Variants in CCDC170 observed in about 807,000 individuals in gnomAD.
The protein encoded by CCDC170 is coiled-coil domain containing 170.
Under a neutral mutation model 72.6 loss-of-function variants are expected in CCDC170, and 69 were observed. The ratio of observed to expected loss-of-function variants is 0.95; its 90% CI spans 0.78 to 1.16. The LOEUF (loss-of-function observed/expected upper bound fraction) is 1.16, where lower values mean the gene tolerates loss of function less well. Among genes scored for constraint, CCDC170 ranks in the 50% most tolerant of loss-of-function variants. CCDC170 has a pLI of 0.00. For missense variants in CCDC170, 852 were observed against 832.5 expected (o/e 1.02, Z -0.29); for synonymous variants, 300 against 303.9 (o/e 0.99, Z 0.13).
At chr6:151,506,823 G>A (rs552558424) in intron 1 of CCDC170, among the ~76,000 whole-genome samples, 3 of 152,280 alleles carry the variant, frequency 2.0e-5, no homozygotes, top group African/African-American at 7.2e-5. Flanking sequence ...AGCCATTGAA[G>A]GCCTAAAGAG....
chr6:151,544,549 CT>C (rs1318494932), intron 3 of CCDC170, 22 bp from the exon 4 acceptor site: 4 of 1,598,772 alleles, frequency 2.5e-6, no homozygotes, highest in Non-Finnish European at 3.4e-6. Flanking sequence ...TAAATTCTGA[CT>C]TATTTGTTAT....
At chr6:151,505,970 GT>G (rs1245447194) in intron 1 of CCDC170, among the ~76,000 whole-genome samples, 31 of 152,240 alleles carry the variant, frequency 2.0e-4, no homozygotes, top group African/African-American at 7.2e-4. Context: ...GCATGGTGGT[GT>G]GTGCCTGTAG....
chr6:151,521,985 CAAAAAAAAA>C (rs34730093), intron 1 of CCDC170, among the ~76,000 whole-genome samples: 1 of 78,292 alleles, frequency 1.3e-5, no homozygotes, highest in East Asian at 3.5e-4. Context: ...GACTCTGTCT[CAAAAAAAAA>C]AAAAAAAAAA....
chr6:151,588,628 G>A (rs1199759854), intron 7 of CCDC170, among the ~76,000 whole-genome samples: 1 of 152,156 alleles, frequency 6.6e-6, no homozygotes, highest in Admixed American at 6.5e-5. Context: ...AAGGTGTGAT[G>A]GTGGAAAATT....
intron 5 of CCDC170, among the ~76,000 whole-genome samples, chr6:151,571,321 AT>A (rs11428711): frequency 0.017 from 2,587 of 149,536 alleles, 88 homozygotes; most frequent in African/African-American, 0.06. Context: ...ATTTTTAATA[AT>A]TTTTTTTTTT....
intron 2 of CCDC170, 70 bp downstream of exon 2, chr6:151,536,516 C>T: frequency 6.4e-7 from 1 of 1,556,684 alleles, no homozygotes; most frequent in Non-Finnish European, 8.8e-7. Flanking sequence ...ACAGATCACG[C>T]CTGTAATCCC....
At chr6:151,566,723 C>T (rs185615618) in intron 5 of CCDC170, among the ~76,000 whole-genome samples, 3 of 152,144 alleles carry the variant, frequency 2.0e-5, no homozygotes, top group Non-Finnish European at 4.4e-5. Flanking sequence ...TACTCATAGC[C>T]TTCCTTTTGT....
intron 7 of CCDC170, among the ~76,000 whole-genome samples, chr6:151,591,647 A>T (rs1249183199): frequency 6.6e-6 from 1 of 151,920 alleles, no homozygotes; most frequent in East Asian, 1.9e-4. Flanking sequence ...GGTGCCCGCC[A>T]CCACGCCCAG....
chr6:151,617,408 C>CTTT (rs745655791), intron 10 of CCDC170, among the ~76,000 whole-genome samples: 6 of 91,474 alleles, frequency 6.6e-5, no homozygotes, highest in Non-Finnish European at 1.1e-4. Flanking sequence ...GCTGTTTGTT[C>CTTT]TTTTTTTTTT....
chr6:151,618,527 G>T lies in CCDC170; in HGVS notation c.*380G>T, dbSNP rs548715530. On this transcript the variant is annotated 3_prime_UTR_variant, in exon 11 of 11. Transcript: ENST00000239374. ...GACATTTTTAATTTACAACCTTTCT[G>T]GGGCTCAGACATAAAGTTACCTATC... The T allele has an allele frequency of 4.8e-6, 1 of 208,624 alleles. No individual in the cohort carries two copies. The highest frequency in any genetic ancestry group is 2.3e-5 in the African/African-American group (1 of 43,028). The allele number at this position is 208,624 out of a possible 1,614,324, so 12.9% of individuals were successfully genotyped here.
Position 151,593,185 on chromosome 6 carries a change from C to G in CCDC170, c.1372C>G (p.Leu458Val), listed in dbSNP as rs979254991. 2 of 1,614,038 alleles carry G rather than the reference C, an allele frequency of 1.2e-6. No homozygotes were observed. Among genetic ancestry groups the G allele is most frequent in the African/African-American group, 2.7e-5 (2 of 74,918 alleles). The change falls in exon 8 of 11, where the codon CTG becomes GTG. Residue 458 changes from leucine (L) to valine (V), a missense_variant. By Grantham distance (32) the Leu-to-Val change is conservative. Transcript: ENST00000239374. The stretch of plus-strand genomic sequence containing the variant: ...TGCCGAACTTGGCTTTGACATGCGG[C>G]TGGACGTGGTTTTAGCTCGAACAGA... ...MAAELGFDMR[L>V]DVVLARTEQL... is the part of the protein sequence containing the mutation.
chr6:151,598,369 T>G lies in CCDC170; in HGVS notation c.1710+1792T>G, dbSNP rs1447519624. ...GAGCCTGGAGTTCCATTTTCACTAGTGAGGGATATGGATGACAGCTGAAAC... is the reference window on the plus strand; with the variant it reads ...GAGCCTGGAGTTCCATTTTCACTAGGGAGGGATATGGATGACAGCTGAAAC... On this transcript the variant is annotated intron_variant, in intron 9 of 10. Coordinates refer to ENST00000239374, the MANE Select transcript of CCDC170 (RefSeq NM_025059.4). Among the ~76,000 whole-genome samples the G allele has an allele frequency of 2.6e-5, 4 of 151,986 alleles. No individual in the cohort carries two copies. The South Asian group carries it at 8.3e-4, about 32-fold the overall frequency.
chr6:151,499,684 G>T (rs1157075815), intron 1 of CCDC170, among the ~76,000 whole-genome samples: 1 of 150,326 alleles, frequency 6.7e-6, no homozygotes, highest in Non-Finnish European at 1.5e-5. Flanking sequence ...CTGTATAAGT[G>T]GAATCAGACT....
At chr6:151,592,907 T>C in intron 7 of CCDC170, 200 bp from the exon 8 acceptor site, 3 of 601,834 alleles carry the variant, frequency 5.0e-6, no homozygotes, top group East Asian at 2.8e-5. Flanking sequence ...GTCAAGAGCA[T>C]TCAGACAAGG....
intron 7 of CCDC170, among the ~76,000 whole-genome samples, chr6:151,591,244 CA>C (rs904318780): frequency 1.3e-5 from 2 of 152,092 alleles, no homozygotes; most frequent in African/African-American, 4.8e-5. Flanking sequence ...TTATTGCAAT[CA>C]GAAGAAAATA....
chr6:151,504,036 C>T (rs1782032201), intron 1 of CCDC170, among the ~76,000 whole-genome samples: 1 of 152,110 alleles, frequency 6.6e-6, no homozygotes, highest in African/African-American at 2.4e-5. Context: ...AATATAGTGT[C>T]ATTGTTAAAT....
chr6:151,517,158 A>G (rs1782247475), intron 1 of CCDC170, among the ~76,000 whole-genome samples: 1 of 152,092 alleles, frequency 6.6e-6, no homozygotes, highest in Non-Finnish European at 1.5e-5. Flanking sequence ...AACATGGAGA[A>G]ACTGTCTCTA....
intron 9 of CCDC170, among the ~76,000 whole-genome samples, chr6:151,608,446 G>T (rs1473718451): frequency 1.3e-5 from 2 of 152,142 alleles, no homozygotes; most frequent in African/African-American, 2.4e-5. Context: ...CCAATTTTAT[G>T]AAACCGCTTT....
At chr6:151,524,482 G>C (rs1287866500) in intron 1 of CCDC170, among the ~76,000 whole-genome samples, 1 of 152,152 alleles carries the variant, frequency 6.6e-6, no homozygotes, top group African/African-American at 2.4e-5. Context: ...ATTCTTGAAG[G>C]CTGCAATATA....
Sources: gnomAD v4.1 joint callset for allele counts (sites outside exome capture counted in the v4.1 genomes callset) on GRCh38, gnomAD v4.1.1 for gene constraint, MANE v1.5 for transcripts, NCBI Gene and HGNC (gene_info 2026-07-23, HGNC 2026-07-21) for gene names.